DMD: variants seen among roughly 807,000 people sequenced by gnomAD.
DMD encodes mutant dystrophin.
DMD carries 63 observed loss-of-function variants against 330.1 expected under a neutral mutation model. The observed-to-expected ratio is 0.19, with a 90% CI of 0.16 to 0.24. DMD has a LOEUF of 0.24. Among genes scored for constraint, DMD ranks in the 10% least tolerant of loss-of-function variants. DMD has a pLI of 1.00. For synonymous variants in DMD, 1,223 were observed against 959.8 expected, an observed-to-expected ratio of 1.27 and a Z score of -5.07; for missense variants, 3,344 against 2,684.1, an observed-to-expected ratio of 1.25 and a Z score of -5.43.
rs2148226974 is a variant in DMD at position 31,173,544 on chromosome X, A to G, written c.10323T>C (p.Ala3441=). The change falls in exon 72 of 79, where the codon GCT becomes GCC. Residue 3441 remains alanine, a synonymous_variant. Transcript: ENST00000357033. ...DDTHSRIEHY[A]SRLAEMENSN... is the part of the protein sequence containing the mutation. ...GCATACAACTAGTCTCATACCTGCT[A>G]GCATAATGTTCAATGCGTGAATGAG... 1 of 1,209,927 alleles carries G rather than the reference A, an allele frequency of 8.3e-7. No individual in the cohort carries two copies. Among genetic ancestry groups the G allele is most frequent in the Non-Finnish European group, 1.1e-6 (1 of 893,879 alleles).
chrX:32,217,424 A>C (rs942710506), intron 43 of DMD, among the ~76,000 whole-genome samples: 3 of 111,539 alleles, frequency 2.7e-5, no homozygotes, highest in Admixed American at 1.9e-4. Flanking sequence ...ATATCTTAAC[A>C]TTGTAATAAA....
chrX:32,567,848 A>G (rs2051917826), intron 15 of DMD, among the ~76,000 whole-genome samples: 1 of 112,283 alleles, frequency 8.9e-6, no homozygotes, highest in Non-Finnish European at 1.9e-5. Flanking sequence ...ATATTCCTCC[A>G]GTTATAGTGT....
At chrX:32,832,282 T>C (rs909257036) in intron 4 of DMD, among the ~76,000 whole-genome samples, 4 of 111,576 alleles carry the variant, frequency 3.6e-5, no homozygotes, top group Admixed American at 1.9e-4. Flanking sequence ...CCCTGAAATA[T>C]CCTTAAAAGT....
intron 7 of DMD, among the ~76,000 whole-genome samples, chrX:32,716,999 A>G (rs894775080): frequency 1.8e-5 from 2 of 111,336 alleles, no homozygotes; most frequent in Non-Finnish European, 3.8e-5. Context: ...CAAAGAGATT[A>G]TCTGAAACTG....
intron 44 of DMD, among the ~76,000 whole-genome samples, chrX:32,172,036 G>A (rs898308379): frequency 8.9e-6 from 1 of 111,768 alleles, no homozygotes; most frequent in Non-Finnish European, 1.9e-5. Flanking sequence ...AATATAGATA[G>A]GATTAGACAA....
chrX:32,135,070 T>C (rs2096718013), intron 44 of DMD, among the ~76,000 whole-genome samples: 1 of 112,291 alleles, frequency 8.9e-6, no homozygotes, highest in African/African-American at 3.2e-5. Context: ...TCCTGAAAGA[T>C]ATTGCCTAGA....
intron 7 of DMD, among the ~76,000 whole-genome samples, chrX:32,725,158 C>T (rs1429351074): frequency 9.0e-6 from 1 of 111,064 alleles, no homozygotes; most frequent in Non-Finnish European, 1.9e-5. Context: ...TTAAAATAAA[C>T]GTACCAGCAT....
chrX:33,184,151 C>G (rs2050133526), intron 1 of DMD, among the ~76,000 whole-genome samples: 1 of 111,854 alleles, frequency 8.9e-6, no homozygotes, highest in Non-Finnish European at 1.9e-5. Context: ...TCCCTATGTG[C>G]TAGCATAATC....
chrX:31,852,077 T>C (rs993793666), intron 48 of DMD, among the ~76,000 whole-genome samples: 1 of 109,697 alleles, frequency 9.1e-6, no homozygotes, highest in Non-Finnish European at 1.9e-5. Context: ...AGTCATAGAG[T>C]TGGGGATGGA....
At chrX:32,779,610 G>A (rs1287070646) in intron 7 of DMD, among the ~76,000 whole-genome samples, 3 of 103,811 alleles carry the variant, frequency 2.9e-5, no homozygotes, top group East Asian at 3.0e-4. Context: ...TTATCCTTGC[G>A]ATAGTTTGCT....
At chrX:32,350,064 A>G (rs1409142715) in intron 37 of DMD, among the ~76,000 whole-genome samples, 1 of 111,450 alleles carries the variant, frequency 9.0e-6, no homozygotes, top group Non-Finnish European at 1.9e-5. Flanking sequence ...ATTTAATGAA[A>G]GCAACTATGT....
At position 32,252,898 on chromosome X, in the gene DMD, A is replaced by T. The variant is rs1350750945; in HGVS notation, c.6290+34631T>A. ...TATAAAAATATATATAAATATATAT[A>T]AATATATACATAAATATATATAGAT... On this transcript the variant is annotated intron_variant, in intron 43 of 78. Transcript: ENST00000357033. 1.7e-4 allele frequency among the ~76,000 whole-genome samples: 14 copies of T among 82,298 alleles called. No individual in the cohort carries two copies. The South Asian group carries it at 5.4e-3, about 31-fold the overall frequency. The allele number at this position is 82,298 out of a possible 115,157, so 71.5% of individuals were successfully genotyped here. A position where few individuals can be genotyped will look rare whatever the true frequency, so the allele number is the denominator to read the frequency against.
At chrX:33,010,055 T>C (rs779920639) in intron 2 of DMD, among the ~76,000 whole-genome samples, 1 of 86,830 alleles carries the variant, frequency 1.2e-5, no homozygotes, top group African/African-American at 4.6e-5. Context: ...TGTGTATATA[T>C]ACGTGTATAT....
intron 1 of DMD, among the ~76,000 whole-genome samples, chrX:33,232,933 G>A (rs1028844386): frequency 3.3e-4 from 37 of 111,320 alleles, no homozygotes; most frequent in African/African-American, 1.2e-3. Flanking sequence ...TGGCGGAAGG[G>A]TCCTACCGGG....
chrX:32,642,497 G>A (rs549160866), intron 11 of DMD, among the ~76,000 whole-genome samples: 6 of 111,937 alleles, frequency 5.4e-5, no homozygotes, highest in African/African-American at 1.6e-4. Flanking sequence ...TAGTGGGATG[G>A]GGATGAGGAA....
intron 9 of DMD, among the ~76,000 whole-genome samples, chrX:32,675,624 C>T (rs1386845939): frequency 1.8e-5 from 2 of 111,113 alleles, no homozygotes; most frequent in Non-Finnish European, 3.8e-5. Flanking sequence ...CTTCATAAAG[C>T]TCTATGTTGT....
intron 1 of DMD, among the ~76,000 whole-genome samples, chrX:33,177,733 T>C: frequency 8.9e-6 from 1 of 112,104 alleles, no homozygotes; most frequent in Non-Finnish European, 1.9e-5. Context: ...TCTACTCTCT[T>C]AACAAATGTT....
chrX:32,497,984 T>A (rs1050750337), intron 19 of DMD, among the ~76,000 whole-genome samples: 3 of 112,300 alleles, frequency 2.7e-5, no homozygotes, highest in Non-Finnish European at 5.6e-5. Context: ...TAACATTTTG[T>A]ATTTAAATTA....
intron 2 of DMD, among the ~76,000 whole-genome samples, chrX:32,923,351 A>G (rs1361544207): frequency 9.0e-6 from 1 of 110,923 alleles, no homozygotes; most frequent in Non-Finnish European, 1.9e-5. Context: ...ACTTGAGGCC[A>G]GGAGTTCGAG....
Sources: gnomAD v4.1 joint callset for allele counts (sites outside exome capture counted in the v4.1 genomes callset) on GRCh38, gnomAD v4.1.1 for gene constraint, MANE v1.5 for transcripts, NCBI Gene and HGNC (gene_info 2026-07-23, HGNC 2026-07-21) for gene names.